KLF8: variants seen among roughly 807,000 people sequenced by gnomAD.
KLF8 encodes Krueppel-like factor 8.
Under a neutral mutation model 18.2 loss-of-function variants are expected in KLF8, and 10 were observed. The ratio of observed to expected loss-of-function variants is 0.55; its 90% CI spans 0.34 to 0.93. The LOEUF (loss-of-function observed/expected upper bound fraction) is 0.93. Among genes scored for constraint, KLF8 ranks in the 40% least tolerant of loss-of-function variants. The pLI is 0.02. For synonymous variants in KLF8, 109 were observed against 97.3 expected, an observed-to-expected ratio of 1.12 and a Z score of -0.71; for missense variants, 264 against 277.9, an observed-to-expected ratio of 0.95 and a Z score of 0.36.
At chrX:56,213,314 CTTT>C in the KLF8 span, among the ~76,000 whole-genome samples, 1 of 12,014 alleles carries the variant, frequency 8.3e-5, no homozygotes, top group Non-Finnish European at 1.6e-4. Context: ...CTTTTCTTTT[CTTT>C]TTTTTTTTTT....
the KLF8 span, among the ~76,000 whole-genome samples, chrX:56,214,056 C>A: frequency 9.0e-6 from 1 of 111,309 alleles, no homozygotes; most frequent in Admixed American, 9.5e-5. Context: ...TGAAGTCCTG[C>A]CATAAAGCCG....
the KLF8 span, chrX:55,961,191 C>T: frequency 3.8e-6 from 1 of 260,802 alleles, no homozygotes; most frequent in Non-Finnish European, 7.0e-6. Flanking sequence ...CTGCCCACTG[C>T]CCTCCTACTG....
the KLF8 span, among the ~76,000 whole-genome samples, chrX:56,211,684 A>G: frequency 3.6e-5 from 4 of 111,541 alleles, no homozygotes; most frequent in Admixed American, 3.8e-4. Flanking sequence ...AGAGTAAAAA[A>G]CCTTTGAATT....
chrX:56,136,735 A>G, the KLF8 span, among the ~76,000 whole-genome samples: 6 of 111,576 alleles, frequency 5.4e-5, no homozygotes, highest in South Asian at 3.8e-4. Flanking sequence ...AATGGCAACA[A>G]AAGCCAAAAT....
At chrX:55,936,098 A>C in the KLF8 span, among the ~76,000 whole-genome samples, 11,898 of 111,917 alleles carry the variant, frequency 0.11, 1,089 homozygotes, top group African/African-American at 0.3. Context: ...AATGCATCTA[A>C]TAGTATCACA....
chrX:56,270,499 A>G (rs894142204), intron 5 of KLF8, among the ~76,000 whole-genome samples, 178 bp downstream of exon 5: 2 of 110,585 alleles, frequency 1.8e-5, no homozygotes, highest in African/African-American at 6.6e-5. Flanking sequence ...ATTTATACTC[A>G]TGGGCACAGG....
chrX:55,961,621 A>T, the KLF8 span: 1 of 433,265 alleles, frequency 2.3e-6, no homozygotes, highest in Non-Finnish European at 4.3e-6. Context: ...GACCTTAACG[A>T]TCAGAGCCTG....
chrX:56,005,641 A>T, the KLF8 span, among the ~76,000 whole-genome samples: 4 of 112,771 alleles, frequency 3.5e-5, no homozygotes, highest in Non-Finnish European at 7.5e-5. Context: ...CAGCAATGGC[A>T]GCACAACTGG....
chrX:55,935,513 T>A, the KLF8 span, among the ~76,000 whole-genome samples: 3 of 112,463 alleles, frequency 2.7e-5, no homozygotes, highest in Non-Finnish European at 5.6e-5. Flanking sequence ...TCAAGAATAT[T>A]CTTTCTTTCA....
chrX:56,217,834 G>A, the KLF8 span, among the ~76,000 whole-genome samples: 1 of 111,855 alleles, frequency 8.9e-6, no homozygotes. Context: ...GATTGGGAAT[G>A]TGGATAGATA....
At chrX:56,079,095 T>C in the KLF8 span, among the ~76,000 whole-genome samples, 2 of 111,319 alleles carry the variant, frequency 1.8e-5, no homozygotes, top group Non-Finnish European at 3.8e-5. Flanking sequence ...AAAAACCAGC[T>C]CCTGGACTCA....
At chrX:56,126,626 T>C in the KLF8 span, among the ~76,000 whole-genome samples, 1 of 111,291 alleles carries the variant, frequency 9.0e-6, no homozygotes, top group South Asian at 3.7e-4. Context: ...ACTCCCTGTT[T>C]CCACTCACTC....
chrX:55,965,978 G>C, the KLF8 span, among the ~76,000 whole-genome samples: 1 of 112,113 alleles, frequency 8.9e-6, no homozygotes, highest in Non-Finnish European at 1.9e-5. Flanking sequence ...GGCCTTAAGT[G>C]AATATCAATG....
At chrX:55,979,210 A>T in the KLF8 span, among the ~76,000 whole-genome samples, 2 of 111,859 alleles carry the variant, frequency 1.8e-5, no homozygotes, top group Non-Finnish European at 3.8e-5. Flanking sequence ...GTAATAAAAA[A>T]TTCATAAGTT....
the KLF8 span, among the ~76,000 whole-genome samples, chrX:56,141,511 T>C: frequency 8.9e-6 from 1 of 111,755 alleles, no homozygotes; most frequent in Non-Finnish European, 1.9e-5. Flanking sequence ...TAATTTTATA[T>C]GCCACCACAT....
chrX:56,037,331 G>A, the KLF8 span, among the ~76,000 whole-genome samples: 1 of 110,653 alleles, frequency 9.0e-6, no homozygotes, highest in Non-Finnish European at 1.9e-5. Context: ...ATTTTGTTCA[G>A]GAATTTACAT....
the KLF8 span, among the ~76,000 whole-genome samples, chrX:56,054,908 G>A: frequency 9.0e-6 from 1 of 111,674 alleles, no homozygotes; most frequent in African/African-American, 3.3e-5. Flanking sequence ...TACATTTTGT[G>A]CTTTCTTTTT....
chrX:56,079,855 A>T, the KLF8 span, among the ~76,000 whole-genome samples: 37 of 111,270 alleles, frequency 3.3e-4, no homozygotes, highest in Non-Finnish European at 5.5e-4. Flanking sequence ...ATATATATTT[A>T]GGATAGTTAG....
In KLF8 at chrX:56,277,731, C is replaced by T. The variant is rs754549884; in HGVS notation, c.899-6582C>T. ...GAAGCAAGCCGTACTTATGTCTTTT[C>T]CTTCAGGGCAGTGAGTTCTCCTAGG... On this transcript the variant is annotated intron_variant, in intron 5 of 5. Coordinates refer to ENST00000468660, the MANE Select transcript of KLF8 (RefSeq NM_007250.5). Among the ~76,000 whole-genome samples, 4 of 112,704 alleles carry T rather than the reference C, an allele frequency of 3.5e-5. No individual in the cohort carries two copies. The Admixed American group carries it at 3.7e-4, about 11-fold the overall frequency.
Sources: gnomAD v4.1 joint callset for allele counts (sites outside exome capture counted in the v4.1 genomes callset) on GRCh38, gnomAD v4.1.1 for gene constraint, MANE v1.5 for transcripts, NCBI Gene and HGNC (gene_info 2026-07-23, HGNC 2026-07-21) for gene names.